Variants in ADAMTSL5 observed in about 807,000 individuals in gnomAD.
ADAMTSL5 encodes ADAMTS like 5.
A neutral mutation model predicts 51.7 loss-of-function variants in ADAMTSL5; 53 were observed. The observed-to-expected ratio is 1.03, with a 90% confidence interval of 0.82 to 1.29. ADAMTSL5 has a LOEUF of 1.29. Ranked by LOEUF, ADAMTSL5 falls within the 50% of genes most tolerant of loss-of-function variation. The probability of loss-of-function intolerance (pLI) is 0.00; values close to 1 mark genes in which losing one functional copy is unlikely to be tolerated. For missense variants in ADAMTSL5, 770 were observed against 676.2 expected, an observed-to-expected ratio of 1.14 and a Z score of -1.54; for synonymous variants, 285 against 278.7, an observed-to-expected ratio of 1.02 and a Z score of -0.23.
At chr19:1,507,694 G>T in intron 7 of ADAMTSL5, 51 bp from the exon 8 acceptor site, 1 of 1,555,950 alleles carries the variant, frequency 6.4e-7, no homozygotes, top group South Asian at 1.1e-5. Context: ...GTGTATTTGA[G>T]CGATGACTTG....
In ADAMTSL5 at chr19:1,506,987, C is replaced by G. The variant is rs1305429116; in HGVS notation, c.853-59G>C. ...AGGAGGCTGGGGTTGCCTCCTGCCTCTGACCCTACGACCCCAGCCTCCCCA... is the reference window on the plus strand; with the variant it reads ...AGGAGGCTGGGGTTGCCTCCTGCCTGTGACCCTACGACCCCAGCCTCCCCA... On this transcript the variant is annotated intron_variant, in intron 9 of 11. Coordinates refer to ENST00000330475, the MANE Select transcript of ADAMTSL5 (RefSeq NM_213604.3). The surrounding 1 kb of genome is among the most constrained non-coding windows in gnomAD (Gnocchi z 5.6). 3.4e-6 allele frequency: 5 copies of G among 1,485,340 alleles called. No homozygotes were observed. Among genetic ancestry groups the G allele is most frequent in the Non-Finnish European group, 4.5e-6 (5 of 1,107,098 alleles). The allele number at this position is 1,485,340 out of a possible 1,614,324, so 92.0% of individuals were successfully genotyped here.
rs1294757755 is a variant in ADAMTSL5 at position 1,506,259 on chromosome 19, A to G, written c.1172T>C (p.Val391Ala). The change falls in exon 12 of 12, where the codon GTG becomes GCG. Residue 391 changes from valine (V) to alanine (A), a missense_variant. Physicochemically the swap from Val to Ala is moderately conservative, Grantham distance 64. Coordinates refer to ENST00000330475, the MANE Select transcript of ADAMTSL5 (RefSeq NM_213604.3). This position sits in a 1 kb window ranked among gnomAD's most constrained non-coding sequence, Gnocchi z 5.6. ...HHQAQETRYE[V>A]RIQLVYKNRS... is the part of the protein sequence containing the mutation. ...GTTCTTGTAGACGAGCTGGATGCGC[A>G]CCTCATAGCGGGTCTCCTGGGCCTG... 3 of 1,568,726 alleles carry G rather than the reference A, an allele frequency of 1.9e-6. No homozygotes were observed. The African/African-American group carries it at 4.1e-5, about 21-fold the overall frequency.
intron 6 of ADAMTSL5, 63 bp from the exon 7 acceptor site, chr19:1,508,172 G>T: frequency 6.9e-7 from 1 of 1,453,778 alleles, no homozygotes; most frequent in Non-Finnish European, 9.0e-7. Flanking sequence ...TGGGGAAAGG[G>T]CAGTGCCTGG....
rs773952636 is a variant in ADAMTSL5, at chr19:1,510,815, G to A, written c.99+30C>T. The A allele has an allele frequency of 2.8e-5, 42 of 1,511,322 alleles. No homozygotes were observed. The East Asian group carries it at 8.8e-4, about 32-fold the overall frequency. 93.6% of individuals were successfully genotyped at this position (1,511,322 alleles called of 1,614,324 possible). A position where few individuals can be genotyped will look rare whatever the true frequency, so the allele number is the denominator to read the frequency against. On this transcript the variant is annotated intron_variant, in intron 2 of 11. Coordinates refer to ENST00000330475, the MANE Select transcript of ADAMTSL5 (RefSeq NM_213604.3). ...GCTGACTGGGTCCCCATTCCCACTC[G>A]CCACCCCCTGGGCTCATGCCCCCCC...
chr19:1,512,416 C>G (rs571428182), intron 1 of ADAMTSL5, among the ~76,000 whole-genome samples: 1 of 152,180 alleles, frequency 6.6e-6, no homozygotes, highest in Non-Finnish European at 1.5e-5. Context: ...TGCGGTGGCT[C>G]ACGCCTGTAA....
intron 1 of ADAMTSL5, among the ~76,000 whole-genome samples, 173 bp from the exon 2 acceptor site, chr19:1,511,333 G>C (rs573707616): frequency 6.6e-6 from 1 of 151,978 alleles, no homozygotes; most frequent in African/African-American, 2.4e-5. Context: ...CCACCACGCC[G>C]GACTAATTTT....
chr19:1,506,445 C>T lies in ADAMTSL5; in HGVS notation c.1115-129G>A. On this transcript the variant is annotated intron_variant, in intron 11 of 11. Coordinates refer to ENST00000330475, the MANE Select transcript of ADAMTSL5 (RefSeq NM_213604.3). This position sits in a 1 kb window ranked among gnomAD's most constrained non-coding sequence, Gnocchi z 5.6. ...GATCTATAGGGACTAGAGTCAGGAT[C>T]ACGTCAGGGATCAATGAGGGATTAG... is the stretch of plus-strand genomic sequence containing the variant. The T allele has an allele frequency of 6.9e-7, 1 of 1,448,786 alleles. No homozygotes were observed. The highest frequency in any genetic ancestry group is 9.4e-7 in the Non-Finnish European group (1 of 1,058,798). 89.7% of individuals were successfully genotyped at this position (1,448,786 alleles called of 1,614,324 possible).
At chr19:1,507,726 G>T (rs1913024139) in intron 7 of ADAMTSL5, 83 bp from the exon 8 acceptor site, 1 of 1,377,874 alleles carries the variant, frequency 7.3e-7, no homozygotes, top group Non-Finnish European at 1.0e-6. Flanking sequence ...AGCTACTGCG[G>T]GTAAGACAGC....
At chr19:1,510,291 G>T in intron 4 of ADAMTSL5, 33 bp from the exon 5 acceptor site, 2 of 1,613,016 alleles carry the variant, frequency 1.2e-6, no homozygotes, top group Non-Finnish European at 1.7e-6. Context: ...CAGAGGCTGG[G>T]ACAACCCCAA....
At chr19:1,508,384 A>G (rs1348670427) in intron 6 of ADAMTSL5, 59 bp downstream of exon 6, 57 of 1,027,658 alleles carry the variant, frequency 5.5e-5, no homozygotes, top group Non-Finnish European at 6.3e-5. Flanking sequence ...GGAGCCTAGG[A>G]TGGGTGGGGC....
At chr19:1,511,811 C>A in intron 1 of ADAMTSL5, 1 of 325,324 alleles carries the variant, frequency 3.1e-6, no homozygotes. Context: ...CCCCAGGGCT[C>A]CCTCAGCTCC....
Position 1,508,012 on chromosome 19 carries a change from A to G in ADAMTSL5, c.587T>C (p.Val196Ala), listed in dbSNP as rs762552263. ...CAGGTAGTCACCGGCGTCACGAAAC[A>G]CGCGCTGCACGAAAAGGCACGAGTC... is the stretch of plus-strand genomic sequence containing the variant. The part of the protein sequence containing the change: ...ANDSCLFVQR[V>A]FRDAGAFAGY... Residue 196 changes from valine (V) to alanine (A), a missense_variant, in exon 7 of 12, where the codon GTG becomes GCG. Transcript: ENST00000330475. 7.5e-6 allele frequency: 12 copies of G among 1,601,154 alleles called. No individual in the cohort carries two copies. In the South Asian group the frequency reaches 1.2e-4, roughly 16 times the overall value.
Position 1,506,105 on chromosome 19 carries a change from C to T in ADAMTSL5, c.1326G>A (p.Gln442=). The change falls in exon 12 of 12, where the codon CAG becomes CAA. Residue 442 remains glutamine, a synonymous_variant. Transcript: ENST00000330475. This position sits in a 1 kb window ranked among gnomAD's most constrained non-coding sequence, Gnocchi z 5.6. The part of the protein sequence containing the change: ...RLVSPDGTQD[Q]LLLPHAGYAR... ...CGTAGCCGGCGTGGGGCAGCAGCAG[C>T]TGGTCCTGTGTGCCGTCGGGGCTGA... The T allele has an allele frequency of 1.2e-6, 2 of 1,606,568 alleles. No individual in the cohort carries two copies. Among genetic ancestry groups the T allele is most frequent in the Non-Finnish European group, 8.5e-7 (1 of 1,178,100 alleles).
Position 1,505,997 on chromosome 19 carries a change from C to A in ADAMTSL5, c.*18G>T. On this transcript the variant is annotated 3_prime_UTR_variant, in exon 12 of 12. Coordinates refer to ENST00000330475, the MANE Select transcript of ADAMTSL5 (RefSeq NM_213604.3). ...ATGTATCTTTCTTGCTGTGTGTGGC[C>A]GGGGCTCCTGCAGGGGCTCAGCCAG... is the stretch of plus-strand genomic sequence containing the variant. 6.6e-7 allele frequency: 1 copy of A among 1,524,350 alleles called. No homozygotes were observed. The highest frequency in any genetic ancestry group is 2.3e-5 in the East Asian group (1 of 43,158). 94.4% of individuals were successfully genotyped at this position (1,524,350 alleles called of 1,614,324 possible).
chr19:1,510,119 A>G, intron 5 of ADAMTSL5, 31 bp downstream of exon 5: 3 of 1,556,420 alleles, frequency 1.9e-6, no homozygotes, highest in Non-Finnish European at 2.6e-6. Context: ...GCTCTGGACC[A>G]ATTCTGACCA....
In ADAMTSL5 at chr19:1,505,754, C is replaced by T; in HGVS notation, c.*261G>A. ...CTTTCTGAGTATAAATAGCTATGAGCTTCCTGGCAGCCAAGGAGAGAGGCG... is the reference window on the plus strand; with the variant it reads ...CTTTCTGAGTATAAATAGCTATGAGTTTCCTGGCAGCCAAGGAGAGAGGCG... On this transcript the variant is annotated 3_prime_UTR_variant, in exon 12 of 12. Transcript: ENST00000330475. 1 of 439,826 alleles carries T rather than the reference C, an allele frequency of 2.3e-6. No individual in the cohort carries two copies. Among genetic ancestry groups the T allele is most frequent in the East Asian group, 3.7e-5 (1 of 27,250 alleles). 27.2% of individuals were successfully genotyped at this position (439,826 alleles called of 1,614,324 possible). A position where few individuals can be genotyped will look rare whatever the true frequency, so the allele number is the denominator to read the frequency against.
In ADAMTSL5 at chr19:1,510,705, A is replaced by T. The variant is rs1913220568; in HGVS notation, c.125T>A (p.Val42Glu). The T allele has an allele frequency of 6.5e-7, 1 of 1,541,962 alleles. No individual in the cohort carries two copies. Among genetic ancestry groups the T allele is most frequent in the Non-Finnish European group, 8.7e-7 (1 of 1,142,880 alleles). The change falls in exon 3 of 12, where the codon GTG (valine) becomes GAG (glutamate). Residue 42 changes from valine to glutamate, a missense_variant. Transcript: ENST00000330475. Reference sequence around the variant, plus strand: ...GGAGCTGGAGCAGCGGGTCCAGGACACCCACGGGGTCCACTCGCCCGGACC... The same window carrying T: ...GGAGCTGGAGCAGCGGGTCCAGGACTCCCACGGGGTCCACTCGCCCGGACC... ...AQGPGEWTPW[V>E]SWTRCSSSCG...
rs745895274 is a variant in ADAMTSL5 at position 1,510,188 on chromosome 19, C to T, written c.323G>A (p.Gly108Asp). 6.2e-7 allele frequency: 1 copy of T among 1,612,862 alleles called. No individual in the cohort carries two copies. The highest frequency in any genetic ancestry group is 8.5e-7 in the Non-Finnish European group (1 of 1,179,824). The part of the protein sequence containing the change: ...CALYNGRPVL[G>D]TQKTYQWVPF... ...CACCCACTGGTAGGTCTTCTGGGTG[C>T]CCAGGACAGGGCGGCCATTGTACAG... Residue 108 changes from glycine to aspartate, a missense_variant, in exon 5 of 12, where the codon GGC becomes GAC. Transcript: ENST00000330475.
chr19:1,508,230 A>G, intron 6 of ADAMTSL5, 121 bp from the exon 7 acceptor site: 1 of 1,173,956 alleles, frequency 8.5e-7, no homozygotes, highest in South Asian at 1.5e-5. Flanking sequence ...GAGCCTAGGG[A>G]GGAGCAGGAC....
Sources: allele counts gnomAD v4.1 joint callset (sites outside exome capture counted in the v4.1 genomes callset), GRCh38; gene constraint gnomAD v4.1.1; non-coding constraint Gnocchi (gnomAD v3.1); transcripts MANE v1.5; gene names NCBI Gene and HGNC (gene_info 2026-07-23, HGNC 2026-07-21).